Variants in PTPRU observed in about 807,000 individuals in gnomAD.
PTPRU encodes receptor-type tyrosine-protein phosphatase U.
Under a neutral mutation model 166.3 loss-of-function variants are expected in PTPRU, and 69 were observed. The ratio of observed to expected loss-of-function variants is 0.41; its 90% CI spans 0.34 to 0.51. PTPRU has a LOEUF of 0.51. Among genes scored for constraint, PTPRU ranks in the 20% least tolerant of loss-of-function variants. PTPRU has a pLI of 0.09. For synonymous variants in PTPRU, 793 were observed against 814.0 expected (o/e 0.97, Z 0.44); for missense variants, 1,657 against 2,013.7 (o/e 0.82, Z 3.39).
At position 29,280,156 on chromosome 1, in the gene PTPRU, A is replaced by T; in HGVS notation, c.1868+15A>T. ...GCGCCCATCAGGTGGGAAAGCGGGG[A>T]CGGAGGGGTGGGAGTCCAGGGCCTT... On this transcript the variant is annotated intron_variant, in intron 11 of 29. Coordinates refer to ENST00000373779, the MANE Select transcript of PTPRU (RefSeq NM_133178.4). The surrounding 1 kb of genome is among the most constrained non-coding windows in gnomAD (Gnocchi z 4.2). 2 of 1,597,664 alleles carry T rather than the reference A, an allele frequency of 1.3e-6. No individual in the cohort carries two copies. The highest frequency in any genetic ancestry group is 1.7e-6 in the Non-Finnish European group (2 of 1,166,540).
rs1249514459 is a variant in PTPRU, at chr1:29,258,695, G to A, written c.396G>A (p.Val132=). 4 of 1,613,822 alleles carry A rather than the reference G, an allele frequency of 2.5e-6. No individual in the cohort carries two copies. The highest frequency in any genetic ancestry group is 1.7e-5 in the Admixed American group (1 of 59,956). ...RVNGGPLGSA[V]WNMTGSHGRQ... ...ATGGGGGCCCCCTGGGCAGTGCTGTGTGGAATATGACTGGATCCCACGGCC... is the reference window on the plus strand; with the variant it reads ...ATGGGGGCCCCCTGGGCAGTGCTGTATGGAATATGACTGGATCCCACGGCC... The change falls in exon 3 of 30, where the codon GTG becomes GTA. Residue 132 remains valine (V), a synonymous_variant. Coordinates refer to ENST00000373779, the MANE Select transcript of PTPRU (RefSeq NM_133178.4).
At chr1:29,248,840 C>G (rs1312844200) in intron 1 of PTPRU, among the ~76,000 whole-genome samples, 2 of 152,146 alleles carry the variant, frequency 1.3e-5, no homozygotes, top group Admixed American at 6.5e-5. Context: ...CGTCTATACA[C>G]CCACGGCTTC....
chr1:29,324,597 C>T (rs1389894308), intron 28 of PTPRU, among the ~76,000 whole-genome samples: 1 of 152,210 alleles, frequency 6.6e-6, no homozygotes, highest in African/African-American at 2.4e-5. Context: ...TCTCTGGGTA[C>T]GCGCTTGCTG....
rs751746624 is a variant in PTPRU, at chr1:29,275,594, C to T, written c.1291C>T (p.His431Tyr). 2.8e-5 allele frequency: 45 copies of T among 1,614,050 alleles called. No individual in the cohort carries two copies. The highest frequency in any genetic ancestry group is 3.5e-5 in the Non-Finnish European group (41 of 1,180,038). The change falls in exon 8 of 30, where the codon CAC becomes TAC. Residue 431 changes from histidine to tyrosine, a missense_variant. Coordinates refer to ENST00000373779, the MANE Select transcript of PTPRU (RefSeq NM_133178.4). ...CTATCACTACACCCTGGGCAGCAGC[C>T]ACAACCAGACCATCCGAGAGTGTGT... ...LCYHYTLGSS[H>Y]NQTIRECVKT...
chr1:29,323,441 G>A lies in PTPRU; in HGVS notation c.3899G>A (p.Gly1300Asp). ...YGLMEVEFMS[G>D]TADEDLVARV... is the part of the protein sequence containing the mutation. ...CTCATGGAGGTGGAGTTTATGTCGG[G>A]CACAGCTGATGAAGACTTAGTGGCT... Residue 1300 changes from glycine (G) to aspartate (D), a missense_variant, in exon 27 of 30, where the codon GGC becomes GAC. Gly to Asp is a moderately conservative substitution (Grantham distance 94, BLOSUM62 -1). Transcript: ENST00000373779. The A allele has an allele frequency of 6.2e-7, 1 of 1,609,324 alleles. No individual in the cohort carries two copies. Among genetic ancestry groups the A allele is most frequent in the Non-Finnish European group, 8.5e-7 (1 of 1,177,826 alleles).
In PTPRU at chr1:29,292,018, G is replaced by A. The variant is rs1312405083; in HGVS notation, c.2468G>A (p.Ser823Asn). ...GLSFMDTHGYSTRGDQRSGGV... is the reference protein window; with the variant it reads ...GLSFMDTHGYNTRGDQRSGGV... ...TCCTTCATGGACACCCATGGCTACA[G>A]CACCCGGGGTGAGTGCCCGGCCCTC... The change falls in exon 15 of 30, where the codon AGC (serine) becomes AAC (asparagine). Residue 823 changes from serine (S) to asparagine (N), a missense_variant. This residue lies in a region of PTPRU where 1,190 missense variants were observed against 1,477.4 expected (regional missense o/e 0.81). Transcript: ENST00000373779. 3 of 1,613,966 alleles carry A rather than the reference G, an allele frequency of 1.9e-6. No individual in the cohort carries two copies. In the African/African-American group the frequency reaches 4.0e-5, roughly 22 times the overall value.
At chr1:29,255,507 C>T in intron 2 of PTPRU, 101 bp downstream of exon 2, 1 of 1,491,258 alleles carries the variant, frequency 6.7e-7, no homozygotes, top group South Asian at 1.2e-5. Flanking sequence ...CCTCTCTGGG[C>T]CCCATCTACA....
At chr1:29,298,881 G>A (rs952260648) in intron 15 of PTPRU, among the ~76,000 whole-genome samples, 6 of 152,122 alleles carry the variant, frequency 3.9e-5, no homozygotes, top group African/African-American at 7.2e-5. Flanking sequence ...CCTGCCATAC[G>A]GATATTCTAA....
intron 25 of PTPRU, among the ~76,000 whole-genome samples, chr1:29,319,431 C>A (rs922899847): frequency 6.6e-6 from 1 of 152,140 alleles, no homozygotes; most frequent in African/African-American, 2.4e-5. Context: ...TGACGTCTGA[C>A]CCCAGCCATG....
intron 26 of PTPRU, 87 bp from the exon 27 acceptor site, chr1:29,323,284 A>G: frequency 6.6e-7 from 1 of 1,505,104 alleles, no homozygotes; most frequent in Non-Finnish European, 8.9e-7. Flanking sequence ...CCACAGGGCA[A>G]GTGTGGAGCC....
Position 29,282,742 on chromosome 1 carries a change from C to T in PTPRU, c.1935C>T (p.Asp645=). 8 of 1,613,974 alleles carry T rather than the reference C, an allele frequency of 5.0e-6. No homozygotes were observed. Among genetic ancestry groups the T allele is most frequent in the Non-Finnish European group, 6.8e-6 (8 of 1,180,006 alleles). The part of the protein sequence containing the change: ...RRLRREPGGQ[D]CFPVPLTFEA... ...TGCGGCGGGAGCCAGGTGGACAGGACTGCTTCCCAGTGCCATTGACCTTCG... is the reference window on the plus strand; with the variant it reads ...TGCGGCGGGAGCCAGGTGGACAGGATTGCTTCCCAGTGCCATTGACCTTCG... Residue 645 remains aspartate, a synonymous_variant, in exon 12 of 30, where the codon GAC becomes GAT. Transcript: ENST00000373779.
At chr1:29,324,379 C>T (rs1270450346) in intron 28 of PTPRU, among the ~76,000 whole-genome samples, 5 of 152,160 alleles carry the variant, frequency 3.3e-5, no homozygotes, top group African/African-American at 1.2e-4. Context: ...GGGAAAGACC[C>T]CTGAGAAGGG....
chr1:29,260,110 CGGGCTCTGCCCG>C lies in PTPRU; in HGVS notation c.850+70_850+81del. Reference sequence around the variant, plus strand: ...CGAGGGGCGGGGCCGGCGACGGGGGCGGGCTCTGCCCGGGGGCGTGGCCGTGGGGGGTGGGGC... The same window carrying C: ...CGAGGGGCGGGGCCGGCGACGGGGGCGGGGCGTGGCCGTGGGGGGTGGGGC... On this transcript the variant is annotated intron_variant, in intron 6 of 29. Coordinates refer to ENST00000373779, the MANE Select transcript of PTPRU (RefSeq NM_133178.4). The surrounding 1 kb of genome is among the most constrained non-coding windows in gnomAD (Gnocchi z 8.3). 1 of 734,184 alleles carries C rather than the reference CGGGCTCTGCCCG, an allele frequency of 1.4e-6. No homozygotes were observed. Among genetic ancestry groups the C allele is most frequent in the Non-Finnish European group, 1.8e-6 (1 of 562,426 alleles). 45.5% of individuals were successfully genotyped at this position (734,184 alleles called of 1,614,324 possible). A position where few individuals can be genotyped will look rare whatever the true frequency, so the allele number is the denominator to read the frequency against.
intron 18 of PTPRU, chr1:29,306,979 T>C (rs576046833): frequency 2.9e-5 from 24 of 822,284 alleles, no homozygotes; most frequent in East Asian, 1.6e-4. Context: ...ACTCTGTGGC[T>C]CAGCCCAGCC....
chr1:29,286,749 G>A (rs1465260784), intron 14 of PTPRU, among the ~76,000 whole-genome samples: 2 of 152,046 alleles, frequency 1.3e-5, no homozygotes, highest in African/African-American at 4.8e-5. Flanking sequence ...AGAGCACTGG[G>A]CCCAGGACAG....
chr1:29,325,106 C>G (rs998130012), intron 28 of PTPRU, 85 bp from the exon 29 acceptor site: 35 of 1,552,908 alleles, frequency 2.3e-5, no homozygotes, highest in Non-Finnish European at 3.0e-5. Context: ...TCTAGGCTCT[C>G]TGCCCCTCCC....
intron 14 of PTPRU, among the ~76,000 whole-genome samples, chr1:29,287,744 A>G (rs981032604): frequency 2.0e-5 from 3 of 151,716 alleles, no homozygotes; most frequent in Middle Eastern, 3.2e-3. Flanking sequence ...ACAGGCGCCC[A>G]CCACCACGCC....
Position 29,279,404 on chromosome 1 carries a change from C to A in PTPRU, c.1564-52C>A. On this transcript the variant is annotated intron_variant, in intron 9 of 29. Transcript: ENST00000373779. The surrounding 1 kb of genome is among the most constrained non-coding windows in gnomAD (Gnocchi z 5.2). ...GACATGGTGGGTGGAGGCTGCTGGT[C>A]AGGGATGCTCTGACCATCCAGTGCC... 3 of 1,549,334 alleles carry A rather than the reference C, an allele frequency of 1.9e-6. No homozygotes were observed. Among genetic ancestry groups the A allele is most frequent in the South Asian group, 1.1e-5 (1 of 89,616 alleles).
At position 29,320,619 on chromosome 1, in the gene PTPRU, G is replaced by A; in HGVS notation, c.3688-66G>A. 1 of 1,470,756 alleles carries A rather than the reference G, an allele frequency of 6.8e-7. No homozygotes were observed. The highest frequency in any genetic ancestry group is 2.4e-5 in the East Asian group (1 of 40,916). The allele number at this position is 1,470,756 out of a possible 1,614,324, so 91.1% of individuals were successfully genotyped here. ...GTGGGCAGTGCGGGAAGACAGCCTG[G>A]GGCAGAGGCTCAGCCCAGGCCAGGG... is the stretch of plus-strand genomic sequence containing the variant. On this transcript the variant is annotated intron_variant, in intron 25 of 29. Transcript: ENST00000373779. This position sits in a 1 kb window ranked among gnomAD's most constrained non-coding sequence, Gnocchi z 5.2.
Sources: allele counts gnomAD v4.1 joint callset (sites outside exome capture counted in the v4.1 genomes callset), GRCh38; gene constraint gnomAD v4.1.1; regional missense constraint gnomAD v4.1.1; non-coding constraint Gnocchi (gnomAD v3.1); transcripts MANE v1.5; gene names NCBI Gene and HGNC (gene_info 2026-07-23, HGNC 2026-07-21).